Variants in SLC25A26 observed in about 807,000 individuals in gnomAD.
SLC25A26 encodes mitochondrial S-adenosylmethionine carrier protein.
In SLC25A26, 36 loss-of-function variants were observed where a neutral mutation model predicts 37.8. The observed-to-expected ratio is 0.95, with a 90% CI of 0.73 to 1.26. SLC25A26 has a LOEUF of 1.26. Ranked by LOEUF, SLC25A26 falls within the 50% of genes most tolerant of loss-of-function variation. SLC25A26 has a pLI of 0.00. For synonymous variants in SLC25A26, 129 were observed against 122.5 expected, an observed-to-expected ratio of 1.05 and a Z score of -0.35; for missense variants, 390 against 331.1, an observed-to-expected ratio of 1.18 and a Z score of -1.38.
At chr3:66,196,828 T>G (rs1394708417) in intron 1 of SLC25A26, among the ~76,000 whole-genome samples, 1 of 152,142 alleles carries the variant, frequency 6.6e-6, no homozygotes, top group African/African-American at 2.4e-5. Context: ...TCTGTAGACA[T>G]AAGAGACACC....
intron 2 of SLC25A26, among the ~76,000 whole-genome samples, chr3:66,238,990 C>T (rs1051546522): frequency 1.5e-4 from 23 of 152,156 alleles, no homozygotes; most frequent in African/African-American, 5.3e-4. Context: ...CCAATCCTTT[C>T]ACCATTTGCT....
At chr3:66,329,533 A>G (rs917421875) in intron 5 of SLC25A26, among the ~76,000 whole-genome samples, 2 of 152,154 alleles carry the variant, frequency 1.3e-5, no homozygotes, top group African/African-American at 4.8e-5. Context: ...CCTAAGAATG[A>G]ATATAAGTGT....
At chr3:66,234,671 C>A (rs782756357) in intron 1 of SLC25A26, among the ~76,000 whole-genome samples, 2 of 152,074 alleles carry the variant, frequency 1.3e-5, no homozygotes, top group Non-Finnish European at 2.9e-5. Context: ...CAAGTTAACT[C>A]CTGGGATGGT....
intron 6 of SLC25A26, among the ~76,000 whole-genome samples, chr3:66,355,217 T>A (rs1253840316): frequency 6.6e-6 from 1 of 152,158 alleles, no homozygotes; most frequent in Non-Finnish European, 1.5e-5. Flanking sequence ...TCTTTGCCTG[T>A]AATTACCAGC....
chr3:66,295,031 T>G (rs749144914), intron 5 of SLC25A26, among the ~76,000 whole-genome samples: 3 of 152,192 alleles, frequency 2.0e-5, no homozygotes, highest in Non-Finnish European at 4.4e-5. Context: ...CTGAATCTCA[T>G]AAAAACTGGT....
intron 1 of SLC25A26, among the ~76,000 whole-genome samples, chr3:66,170,801 T>TG (rs1362852792): frequency 8.0e-6 from 1 of 124,334 alleles, no homozygotes; most frequent in African/African-American, 3.2e-5. Flanking sequence ...GTTTTTTTTT[T>TG]TTTTTTTTTT....
At chr3:66,155,999 C>A (rs2070277411) in intron 1 of SLC25A26, among the ~76,000 whole-genome samples, 1 of 152,124 alleles carries the variant, frequency 6.6e-6, no homozygotes, top group Admixed American at 6.5e-5. Context: ...AATGTCTTAG[C>A]ATAGGGGAAG....
At chr3:66,232,474 T>C (rs1301144617) in intron 1 of SLC25A26, among the ~76,000 whole-genome samples, 2 of 152,328 alleles carry the variant, frequency 1.3e-5, no homozygotes, top group African/African-American at 2.4e-5. Context: ...TGGAAACATA[T>C]TAGTAAACAA....
chr3:66,335,843 G>T (rs1340919205), intron 5 of SLC25A26, among the ~76,000 whole-genome samples: 1 of 152,036 alleles, frequency 6.6e-6, no homozygotes, highest in Non-Finnish European at 1.5e-5. Flanking sequence ...TTGTTAACAG[G>T]GCTGCTTTCA....
At chr3:66,136,271 G>A (rs1175069299) in intron 1 of SLC25A26, among the ~76,000 whole-genome samples, 1 of 152,120 alleles carries the variant, frequency 6.6e-6, no homozygotes, top group East Asian at 1.9e-4. Context: ...TTAGTAATGA[G>A]TTAAATAAAA....
At chr3:66,228,806 A>G (rs892814917) in intron 1 of SLC25A26, among the ~76,000 whole-genome samples, 2 of 152,236 alleles carry the variant, frequency 1.3e-5, no homozygotes, top group African/African-American at 4.8e-5. Context: ...TGAATTCAAG[A>G]ATCATAAAGC....
chr3:66,295,858 C>T (rs769211059), intron 5 of SLC25A26, among the ~76,000 whole-genome samples: 7 of 151,946 alleles, frequency 4.6e-5, no homozygotes, highest in African/African-American at 1.4e-4. Flanking sequence ...CGGTGGCTCA[C>T]GCCTGTAATC....
At chr3:66,149,512 G>C (rs2070169277) in intron 1 of SLC25A26, among the ~76,000 whole-genome samples, 1 of 152,168 alleles carries the variant, frequency 6.6e-6, no homozygotes. Flanking sequence ...CTGACTAATA[G>C]AACCTCCCAT....
Position 66,222,371 on chromosome 3 carries a change from G to A in SLC25A26, c.33+1244G>A, listed in dbSNP as rs189956717. Among the ~76,000 whole-genome samples the A allele has an allele frequency of 3.8e-4, 58 of 152,102 alleles. No homozygotes were observed. In the East Asian group the frequency reaches 0.011, roughly 29 times the overall value. Reference sequence around the variant, plus strand: ...AATTTTTTGGGTTTTTAGTGGAGACGGGGTTTCACCGTGTTAGCCAGGATG... The same window carrying A: ...AATTTTTTGGGTTTTTAGTGGAGACAGGGTTTCACCGTGTTAGCCAGGATG... On this transcript the variant is annotated intron_variant, in intron 1 of 9. Transcript: ENST00000354883.
At chr3:66,268,533 C>T (rs2073842199) in intron 5 of SLC25A26, among the ~76,000 whole-genome samples, 1 of 152,208 alleles carries the variant, frequency 6.6e-6, no homozygotes, top group Non-Finnish European at 1.5e-5. Flanking sequence ...TGATTTGAAA[C>T]TTCCCCCAAA....
At chr3:66,295,653 G>A (rs1339846932) in intron 5 of SLC25A26, among the ~76,000 whole-genome samples, 4 of 151,476 alleles carry the variant, frequency 2.6e-5, no homozygotes, top group South Asian at 2.1e-4. Flanking sequence ...CGCCCACCTC[G>A]GCCTCCCGAA....
upstream of SLC25A26, chr3:66,220,969 T>G: frequency 3.9e-6 from 4 of 1,031,084 alleles, no homozygotes; most frequent in Admixed American, 8.2e-5. Flanking sequence ...GTTGTTGTGG[T>G]TCTACGTCAC....
chr3:66,209,098 A>G (rs1438695266), intron 1 of SLC25A26, among the ~76,000 whole-genome samples: 3 of 100,710 alleles, frequency 3.0e-5, no homozygotes, highest in Admixed American at 1.2e-4. Flanking sequence ...ATGTATATAT[A>G]TATATATATA....
chr3:66,372,376 G>T (rs1443928105), intron 9 of SLC25A26, among the ~76,000 whole-genome samples: 5 of 152,172 alleles, frequency 3.3e-5, no homozygotes, highest in African/African-American at 1.2e-4. Context: ...CAACCCCATG[G>T]CCCCAAAAGC....
Sources: allele counts gnomAD v4.1 joint callset (sites outside exome capture counted in the v4.1 genomes callset), GRCh38; gene constraint gnomAD v4.1.1; transcripts MANE v1.5; gene names NCBI Gene and HGNC (gene_info 2026-07-23, HGNC 2026-07-21).